LINGO2: variants seen among roughly 807,000 people sequenced by gnomAD.
The protein encoded by LINGO2 is leucine-rich repeat and immunoglobulin-like domain-containing nogo receptor-interacting protein 2.
LINGO2 carries 14 observed loss-of-function variants against 30.6 expected under a neutral mutation model. The observed-to-expected ratio is 0.46, with a 90% CI of 0.30 to 0.72. The LOEUF (loss-of-function observed/expected upper bound fraction) is 0.72. Ranked by LOEUF, LINGO2 falls within the 30% of genes least tolerant of loss-of-function variation. LINGO2 has a pLI of 0.07. For missense variants in LINGO2, 729 were observed against 751.7 expected (o/e 0.97, Z 0.35); for synonymous variants, 317 against 288.5 (o/e 1.10, Z -1.00).
chr9:29,021,872 C>A, the LINGO2 span, among the ~76,000 whole-genome samples: 1 of 152,016 alleles, frequency 6.6e-6, no homozygotes, highest in African/African-American at 2.4e-5. Flanking sequence ...ATATGGATCA[C>A]ATTTCAAATA....
exon 6 of LINGO2, chr9:27,950,203 A>G: frequency 6.2e-7 from 1 of 1,613,972 alleles, no homozygotes; most frequent in Non-Finnish European, 8.5e-7. Flanking sequence ...ACTTCTAGAG[A>G]CTTCAGGTTA....
chr9:28,973,834 C>T, the LINGO2 span, among the ~76,000 whole-genome samples: 18,132 of 152,054 alleles, frequency 0.12, 1,067 homozygotes, highest in South Asian at 0.16. Flanking sequence ...AACGCTTTTC[C>T]AGACAAACAA....
chr9:29,084,694 T>C, the LINGO2 span, among the ~76,000 whole-genome samples: 1 of 151,972 alleles, frequency 6.6e-6, no homozygotes, highest in African/African-American at 2.4e-5. Context: ...TCTAGCCTGC[T>C]TGATCATATC....
chr9:28,321,038 A>G (rs1825022134), intron 3 of LINGO2, among the ~76,000 whole-genome samples: 2 of 150,100 alleles, frequency 1.3e-5, no homozygotes, highest in African/African-American at 4.9e-5. Flanking sequence ...AGGATGAATA[A>G]GTTACTTTAA....
chr9:28,834,048 G>T, the LINGO2 span, among the ~76,000 whole-genome samples: 14 of 150,522 alleles, frequency 9.3e-5, no homozygotes, highest in South Asian at 2.9e-3. Flanking sequence ...GTTCCTTTTG[G>T]ATCTCCTAAT....
intron 2 of LINGO2, among the ~76,000 whole-genome samples, chr9:28,443,083 C>T (rs1000503143): frequency 1.3e-5 from 2 of 151,970 alleles, no homozygotes; most frequent in African/African-American, 4.8e-5. Context: ...TAGACTATGG[C>T]ATGTGCATGA....
chr9:28,032,436 C>G (rs1169849938), intron 4 of LINGO2, among the ~76,000 whole-genome samples: 119 of 152,240 alleles, frequency 7.8e-4, no homozygotes, highest in Middle Eastern at 3.4e-3. Flanking sequence ...ACATATGATT[C>G]ACATAACTAA....
the LINGO2 span, among the ~76,000 whole-genome samples, chr9:28,693,867 T>A: frequency 2.0e-5 from 3 of 152,068 alleles, no homozygotes; most frequent in African/African-American, 7.2e-5. Context: ...CTTTCCCATG[T>A]TGTTGGTGAT....
intron 4 of LINGO2, among the ~76,000 whole-genome samples, chr9:28,055,503 G>A (rs1029959937): frequency 2.0e-5 from 3 of 152,134 alleles, no homozygotes; most frequent in Non-Finnish European, 2.9e-5. Context: ...TTCACTTTTA[G>A]GAAAATGTAA....
chr9:28,646,177 G>A (rs1481557636), intron 1 of LINGO2, among the ~76,000 whole-genome samples: 2 of 152,006 alleles, frequency 1.3e-5, no homozygotes, highest in Admixed American at 1.3e-4. Context: ...AAGTGCTCTA[G>A]CATCACATGC....
At chr9:28,046,909 ATTG>A (rs911388852) in intron 4 of LINGO2, among the ~76,000 whole-genome samples, 13 of 152,116 alleles carry the variant, frequency 8.5e-5, no homozygotes, top group Non-Finnish European at 1.6e-4. Context: ...CTTTAAAGAA[ATTG>A]TTGTGGAAAC....
At chr9:29,045,341 A>G in the LINGO2 span, among the ~76,000 whole-genome samples, 1 of 152,158 alleles carries the variant, frequency 6.6e-6, no homozygotes. Flanking sequence ...GGACTACTGT[A>G]CTTTCATACA....
At chr9:28,768,613 GACACACACAC>G in the LINGO2 span, among the ~76,000 whole-genome samples, 479 of 144,502 alleles carry the variant, frequency 3.3e-3, 4 homozygotes, top group African/African-American at 8.5e-3. Context: ...GACAGACTGG[GACACACACAC>G]ACACACACAC....
the LINGO2 span, among the ~76,000 whole-genome samples, chr9:29,080,209 T>C: frequency 6.6e-6 from 1 of 152,142 alleles, no homozygotes; most frequent in Admixed American, 6.6e-5. Context: ...CCATTTCTTC[T>C]AGATTATCTA....
intron 4 of LINGO2, among the ~76,000 whole-genome samples, chr9:28,179,292 T>C (rs1015939462): frequency 1.5e-4 from 22 of 145,860 alleles, no homozygotes; most frequent in Middle Eastern, 3.7e-3. Flanking sequence ...ATATATACCA[T>C]ATATAGTATT....
At chr9:28,811,566 C>G in the LINGO2 span, among the ~76,000 whole-genome samples, 29 of 152,082 alleles carry the variant, frequency 1.9e-4, no homozygotes, top group Non-Finnish European at 3.7e-4. Flanking sequence ...ACACTTTTTA[C>G]CCACACTCAC....
intron 4 of LINGO2, among the ~76,000 whole-genome samples, chr9:28,045,235 T>C (rs1248240605): frequency 1.3e-5 from 2 of 152,014 alleles, no homozygotes; most frequent in Non-Finnish European, 2.9e-5. Context: ...AAAACAAATC[T>C]AAAACACTGA....
chr9:28,006,468 TTA>T (rs1351070375), intron 5 of LINGO2, among the ~76,000 whole-genome samples: 1 of 152,104 alleles, frequency 6.6e-6, no homozygotes, highest in Admixed American at 6.6e-5. Context: ...GATGGAAAAT[TTA>T]TATAACTGTA....
chr9:28,608,120 T>C (rs527404310), intron 1 of LINGO2, among the ~76,000 whole-genome samples: 2 of 150,546 alleles, frequency 1.3e-5, no homozygotes, highest in Non-Finnish European at 3.0e-5. Context: ...TTTTCACAGA[T>C]TACACTTTTT....
Sources: allele counts gnomAD v4.1 joint callset (sites outside exome capture counted in the v4.1 genomes callset), GRCh38; gene constraint gnomAD v4.1.1; transcripts MANE v1.5; gene names NCBI Gene and HGNC (gene_info 2026-07-23, HGNC 2026-07-21).